Variants in SH3RF3 observed in about 807,000 individuals in gnomAD.
SH3RF3 encodes E3 ubiquitin-protein ligase SH3RF3.
A neutral mutation model predicts 66.3 loss-of-function variants in SH3RF3; 29 were observed. The observed-to-expected ratio is 0.44, with a 90% confidence interval of 0.33 to 0.60. The LOEUF is 0.60. Ranked by LOEUF, SH3RF3 falls within the 20% of genes least tolerant of loss-of-function variation. SH3RF3 has a pLI of 0.04. For missense variants in SH3RF3, 1,194 were observed against 1,190.9 expected, an observed-to-expected ratio of 1.00 and a Z score of -0.04; for synonymous variants, 583 against 532.0, an observed-to-expected ratio of 1.10 and a Z score of -1.32.
intron 2 of SH3RF3, among the ~76,000 whole-genome samples, chr2:109,361,966 C>G (rs912902969): frequency 1.3e-5 from 2 of 151,980 alleles, no homozygotes; most frequent in Non-Finnish European, 2.9e-5. Context: ...CTCTGTTTTT[C>G]TTAGTTTGCT....
intron 1 of SH3RF3, among the ~76,000 whole-genome samples, chr2:109,267,582 C>T (rs532384654): frequency 4.6e-5 from 7 of 152,266 alleles, no homozygotes; most frequent in East Asian, 1.9e-4. Flanking sequence ...TGAGGGCCCC[C>T]GAGTGCCGGC....
intron 1 of SH3RF3, among the ~76,000 whole-genome samples, chr2:109,321,313 G>C (rs775365535): frequency 2.6e-5 from 4 of 152,228 alleles, no homozygotes; most frequent in African/African-American, 7.2e-5. Context: ...TAAATTGGTA[G>C]AGCAAATGTG....
intron 6 of SH3RF3, among the ~76,000 whole-genome samples, chr2:109,433,337 T>G (rs1260020185): frequency 1.3e-5 from 2 of 152,230 alleles, no homozygotes; most frequent in Non-Finnish European, 2.9e-5. Context: ...TTTTTCTTTG[T>G]GTTGTCAGTG....
intron 8 of SH3RF3, 120 bp downstream of exon 8, chr2:109,449,609 GC>G (rs1677809735): frequency 2.4e-6 from 3 of 1,269,004 alleles, no homozygotes; most frequent in Non-Finnish European, 2.1e-6. Context: ...CCAAGTGCCT[GC>G]CCCTAGATGA....
At chr2:109,146,308 A>G (rs1677093565) in intron 1 of SH3RF3, among the ~76,000 whole-genome samples, 1 of 152,172 alleles carries the variant, frequency 6.6e-6, no homozygotes, top group South Asian at 2.1e-4. Flanking sequence ...TACTGGGACA[A>G]ATTGCCAAAG....
intron 1 of SH3RF3, among the ~76,000 whole-genome samples, chr2:109,325,331 C>CTTTTTTTTTTTTTTTTT (rs11298946): frequency 4.5e-5 from 3 of 66,256 alleles, no homozygotes; most frequent in South Asian, 7.2e-4. Flanking sequence ...TTCTTTCTTT[C>CTTTTTTTTTTTTTTTTT]TTTTTTTTTT....
At chr2:109,256,442 T>A (rs1431257329) in intron 1 of SH3RF3, among the ~76,000 whole-genome samples, 1 of 152,018 alleles carries the variant, frequency 6.6e-6, no homozygotes, top group African/African-American at 2.4e-5. Flanking sequence ...TACCATTGAC[T>A]GAAACAGGGA....
intron 8 of SH3RF3, among the ~76,000 whole-genome samples, chr2:109,478,628 T>A (rs1678753082): frequency 6.6e-6 from 1 of 152,226 alleles, no homozygotes; most frequent in South Asian, 2.1e-4. Context: ...CTAAGAAGTT[T>A]GTTGGAATGC....
intron 8 of SH3RF3, among the ~76,000 whole-genome samples, chr2:109,470,140 T>C (rs974833385): frequency 1.3e-5 from 2 of 152,132 alleles, no homozygotes; most frequent in Non-Finnish European, 2.9e-5. Flanking sequence ...GGATTCCTTG[T>C]CCCTTCTGGG....
intron 1 of SH3RF3, among the ~76,000 whole-genome samples, chr2:109,295,792 T>TG (rs1037370459): frequency 2.0e-5 from 3 of 152,130 alleles, no homozygotes; most frequent in African/African-American, 7.2e-5. Flanking sequence ...TGGTGGACTC[T>TG]GGCCGGCTTT....
chr2:109,141,937 C>T (rs1275514050), intron 1 of SH3RF3, among the ~76,000 whole-genome samples: 1 of 152,074 alleles, frequency 6.6e-6, no homozygotes, highest in African/African-American at 2.4e-5. Context: ...AGGGCCCTTT[C>T]TACACTCACG....
chr2:109,333,847 A>G (rs569388377), intron 1 of SH3RF3, among the ~76,000 whole-genome samples: 2 of 152,292 alleles, frequency 1.3e-5, no homozygotes, highest in East Asian at 1.9e-4. Context: ...CCATTATAAT[A>G]TTAATAATTA....
At chr2:109,275,861 G>A (rs374011124) in intron 1 of SH3RF3, among the ~76,000 whole-genome samples, 19 of 152,124 alleles carry the variant, frequency 1.2e-4, no homozygotes, top group African/African-American at 4.1e-4. Context: ...CTTCAAGGTC[G>A]GTTGGTTTTT....
intron 9 of SH3RF3, among the ~76,000 whole-genome samples, chr2:109,492,023 G>A (rs569029492): frequency 2.0e-5 from 3 of 152,098 alleles, no homozygotes; most frequent in South Asian, 2.1e-4. Flanking sequence ...CAGGTTCTTC[G>A]TCAAGGGCCA....
At chr2:109,224,739 C>T (rs1484540305) in intron 1 of SH3RF3, among the ~76,000 whole-genome samples, 2 of 152,148 alleles carry the variant, frequency 1.3e-5, no homozygotes, top group East Asian at 1.9e-4. Context: ...CACCTGTAAT[C>T]CCAGCTACTT....
At chr2:109,498,940 G>A (rs1679321883) in intron 9 of SH3RF3, among the ~76,000 whole-genome samples, 1 of 152,336 alleles carries the variant, frequency 6.6e-6, no homozygotes, top group Non-Finnish European at 1.5e-5. Flanking sequence ...GCTAGGGCGC[G>A]GCAGGGCAGA....
chr2:109,360,063 CA>C (rs35020112), intron 2 of SH3RF3, among the ~76,000 whole-genome samples: 47,053 of 135,026 alleles, frequency 0.35, 7,687 homozygotes, highest in South Asian at 0.39. Flanking sequence ...TTCCTTGCAC[CA>C]AAAAAAAAAA....
intron 1 of SH3RF3, among the ~76,000 whole-genome samples, chr2:109,190,945 G>A (rs568753957): frequency 2.0e-5 from 3 of 151,448 alleles, no homozygotes; most frequent in African/African-American, 7.3e-5. Context: ...TATTTTTATG[G>A]GGGAGATAAT....
At chr2:109,271,635 C>T (rs1680628372) in intron 1 of SH3RF3, among the ~76,000 whole-genome samples, 1 of 152,164 alleles carries the variant, frequency 6.6e-6, no homozygotes, top group South Asian at 2.1e-4. Flanking sequence ...CGTGTGGTTC[C>T]CAGGATGCCA....
Sources: allele counts gnomAD v4.1 joint callset (sites outside exome capture counted in the v4.1 genomes callset), GRCh38; gene constraint gnomAD v4.1.1; transcripts MANE v1.5; gene names NCBI Gene and HGNC (gene_info 2026-07-23, HGNC 2026-07-21).